The following PLAG1 variants were observed in gnomAD, a reference collection of about 807,000 sequenced individuals.
The protein encoded by PLAG1 is PLAG1 zinc finger.
PLAG1 carries 7 observed loss-of-function variants against 35.5 expected under a neutral mutation model. The observed-to-expected ratio is 0.20, with a 90% confidence interval of 0.11 to 0.37. The LOEUF (loss-of-function observed/expected upper bound fraction) is 0.37, where lower values mean the gene tolerates loss of function less well. Ranked by LOEUF, PLAG1 falls within the 10% of genes least tolerant of loss-of-function variation. The pLI is 1.00. For missense variants in PLAG1, 454 were observed against 602.8 expected, an observed-to-expected ratio of 0.75 and a Z score of 2.58; for synonymous variants, 229 against 225.4, an observed-to-expected ratio of 1.02 and a Z score of -0.14.
At chr8:56,173,590 A>T (rs1261275511) in intron 2 of PLAG1, among the ~76,000 whole-genome samples, 1 of 81,458 alleles carries the variant, frequency 1.2e-5, no homozygotes, top group Non-Finnish European at 2.4e-5. Context: ...TTTTCTACTT[A>T]AAAAAAAAAA....
At chr8:56,201,774 A>G (rs1812559682) in intron 1 of PLAG1, among the ~76,000 whole-genome samples, 2 of 152,214 alleles carry the variant, frequency 1.3e-5, no homozygotes, top group African/African-American at 2.4e-5. Flanking sequence ...TGAAAACTAA[A>G]TGAGATAATA....
Position 56,162,873 on chromosome 8 carries a change from G to C in PLAG1, c.*3370C>G. ...AATGACTAAGAAAAATAAAGCACAA[G>C]CAACAAATAGGCAAAAATACACAGC... On this transcript the variant is annotated 3_prime_UTR_variant, in exon 5 of 5. Transcript: ENST00000316981. The C allele has an allele frequency of 4.6e-6, 1 of 216,234 alleles. No individual in the cohort carries two copies. Among genetic ancestry groups the C allele is most frequent in the East Asian group, 6.8e-5 (1 of 14,608 alleles). The allele number at this position is 216,234 out of a possible 1,614,324, so 13.4% of individuals were successfully genotyped here. A position where few individuals can be genotyped will look rare whatever the true frequency, so the allele number is the denominator to read the frequency against.
intron 3 of PLAG1, among the ~76,000 whole-genome samples, 156 bp from the exon 4 acceptor site, chr8:56,168,542 G>A (rs544871950): frequency 1.5e-4 from 23 of 152,250 alleles, no homozygotes; most frequent in African/African-American, 5.1e-4. Flanking sequence ...AACCCCATAG[G>A]TTTCTTTATA....
intron 2 of PLAG1, among the ~76,000 whole-genome samples, chr8:56,175,348 C>T (rs768460794): frequency 3.3e-5 from 5 of 152,118 alleles, no homozygotes; most frequent in African/African-American, 4.8e-5. Flanking sequence ...GCAGGAAGGA[C>T]GAGACTCTCA....
chr8:56,204,881 G>A (rs1812655423), intron 1 of PLAG1, among the ~76,000 whole-genome samples: 1 of 151,800 alleles, frequency 6.6e-6, no homozygotes, highest in Non-Finnish European at 1.5e-5. Flanking sequence ...TGCCTTTTAA[G>A]AAAAGATGCC....
Position 56,167,549 on chromosome 8 carries a change from G to A in PLAG1, c.243-46C>T. On this transcript the variant is annotated intron_variant, in intron 4 of 4. Coordinates refer to ENST00000316981, the MANE Select transcript of PLAG1 (RefSeq NM_002655.3). This position sits in a 1 kb window ranked among gnomAD's most constrained non-coding sequence, Gnocchi z 5.9. ...TATAAGTAGTTATTATGACAAAAAT[G>A]GCATGTATTCACTTTTCAAATGGAA... 2 of 1,260,268 alleles carry A rather than the reference G, an allele frequency of 1.6e-6. No individual in the cohort carries two copies. Among genetic ancestry groups the A allele is most frequent in the Non-Finnish European group, 2.2e-6 (2 of 899,560 alleles). 78.1% of individuals were successfully genotyped at this position (1,260,268 alleles called of 1,614,324 possible). A position where few individuals can be genotyped will look rare whatever the true frequency, so the allele number is the denominator to read the frequency against.
At chr8:56,180,440 C>G (rs1005221875) in intron 1 of PLAG1, among the ~76,000 whole-genome samples, 1 of 152,174 alleles carries the variant, frequency 6.6e-6, no homozygotes, top group African/African-American at 2.4e-5. Flanking sequence ...AGAATATATA[C>G]CTTTTGTCGT....
At chr8:56,196,783 A>G (rs150817571) in intron 1 of PLAG1, among the ~76,000 whole-genome samples, 152 of 151,924 alleles carry the variant, frequency 1.0e-3, no homozygotes, top group African/African-American at 3.6e-3. Flanking sequence ...GCCGTGCATA[A>G]TACATGTGTG....
chr8:56,178,123 T>C (rs1811762807), intron 2 of PLAG1: 7 of 364,348 alleles, frequency 1.9e-5, no homozygotes, highest in Non-Finnish European at 2.7e-5. Flanking sequence ...AGTGAAGTTC[T>C]ATGGGAAGGA....
intron 2 of PLAG1, chr8:56,178,058 C>T: frequency 1.1e-6 from 1 of 946,176 alleles, no homozygotes; most frequent in Non-Finnish European, 1.3e-6. Flanking sequence ...TGTTCCATAG[C>T]TCCTTAAGCA....
At position 56,174,890 on chromosome 8, in the gene PLAG1, T is replaced by C. The variant is rs1344102064; in HGVS notation, c.-216-3701A>G. Among the ~76,000 whole-genome samples, 3 of 152,228 alleles carry C rather than the reference T, an allele frequency of 2.0e-5. No individual in the cohort carries two copies. In the East Asian group the frequency reaches 5.8e-4, roughly 29 times the overall value. On this transcript the variant is annotated intron_variant, in intron 2 of 4. Coordinates refer to ENST00000316981, the MANE Select transcript of PLAG1 (RefSeq NM_002655.3). ...AGTATTATAAGTAATTTAGAGATGA[T>C]GTGAAGAGTTCATGGCAGGATGTGC...
In PLAG1 at chr8:56,167,880, CT is replaced by C. The variant is rs1472566028; in HGVS notation, c.242+147del. Reference sequence around the variant, plus strand: ...ACATAAAAGTATGTGATTTAGAATACTAAAAACTAAACCAATGTCTAATCTA... The same window carrying C: ...ACATAAAAGTATGTGATTTAGAATACAAAAACTAAACCAATGTCTAATCTA... On this transcript the variant is annotated intron_variant, in intron 4 of 4. Transcript: ENST00000316981. The surrounding 1 kb of genome is among the most constrained non-coding windows in gnomAD (Gnocchi z 5.9). 7.2e-6 allele frequency: 4 copies of C among 551,988 alleles called. No homozygotes were observed. Among genetic ancestry groups the C allele is most frequent in the Non-Finnish European group, 1.3e-5 (4 of 313,634 alleles). The allele number at this position is 551,988 out of a possible 1,614,324, so 34.2% of individuals were successfully genotyped here.
At chr8:56,177,813 A>G (rs1811751003) in intron 2 of PLAG1, among the ~76,000 whole-genome samples, 1 of 152,194 alleles carries the variant, frequency 6.6e-6, no homozygotes, top group Admixed American at 6.5e-5. Flanking sequence ...CAAGCCCCAG[A>G]GAAATACATG....
At chr8:56,201,886 C>T (rs951925327) in intron 1 of PLAG1, among the ~76,000 whole-genome samples, 4 of 151,360 alleles carry the variant, frequency 2.6e-5, no homozygotes, top group African/African-American at 7.3e-5. Flanking sequence ...ATGTTGCTAA[C>T]GATTCAGGGA....
chr8:56,191,280 C>G (rs1242241552), intron 1 of PLAG1, among the ~76,000 whole-genome samples: 1 of 152,076 alleles, frequency 6.6e-6, no homozygotes, highest in African/African-American at 2.4e-5. Context: ...CCAGCGGTGG[C>G]AGCAGGGAGT....
At chr8:56,171,980 C>T (rs1004664660) in intron 2 of PLAG1, among the ~76,000 whole-genome samples, 4 of 152,006 alleles carry the variant, frequency 2.6e-5, no homozygotes, top group Admixed American at 6.6e-5. Context: ...AAAAGAATAA[C>T]GGTCAAAAGG....
intron 3 of PLAG1, among the ~76,000 whole-genome samples, chr8:56,168,626 T>C (rs1275465480): frequency 6.6e-6 from 1 of 152,156 alleles, no homozygotes; most frequent in African/African-American, 2.4e-5. Context: ...ACTTGACACA[T>C]GTTTTACTTA....
Position 56,193,086 on chromosome 8 carries a change from G to A in PLAG1, c.-321-13573C>T, listed in dbSNP as rs34426553. On this transcript the variant is annotated intron_variant, in intron 1 of 4. Transcript: ENST00000316981. ...AGTAGGCAGATTTGAAAACTCACTA[G>A]ATATTAAGGAATTATTGTTCTTTTG... Among the ~76,000 whole-genome samples the A allele has an allele frequency of 5.4e-3, 823 of 152,260 alleles. 4 individuals carry two copies. The highest frequency in any genetic ancestry group is 0.01 in the Middle Eastern group (3 of 292).
At position 56,167,355 on chromosome 8, in the gene PLAG1, T is replaced by C. The variant is rs759315075; in HGVS notation, c.391A>G (p.Asn131Asp). The C allele has an allele frequency of 5.0e-6, 8 of 1,614,078 alleles. No homozygotes were observed. The South Asian group carries it at 8.8e-5, about 18-fold the overall frequency. The stretch of plus-strand genomic sequence containing the variant: ...TGACGTTTAAATCCAAGCTTGGTAT[T>C]GTAGTTCTTGCCACATTCTTCGCAC... ...FKCEECGKNY[N>D]TKLGFKRHLA... Residue 131 changes from asparagine (N) to aspartate (D), a missense_variant, in exon 5 of 5, where the codon AAT becomes GAT. Asn to Asp is a conservative substitution (Grantham distance 23). Around this residue, in one of 4 missense-constraint regions of PLAG1, gnomAD observed 170 missense variants for 226.3 expected, o/e 0.75. Transcript: ENST00000316981. This position sits in a 1 kb window ranked among gnomAD's most constrained non-coding sequence, Gnocchi z 5.9.
Sources: gnomAD v4.1 joint callset for allele counts (sites outside exome capture counted in the v4.1 genomes callset) on GRCh38, gnomAD v4.1.1 for gene constraint, gnomAD v4.1.1 regional missense constraint, Gnocchi (gnomAD v3.1) non-coding constraint, MANE v1.5 for transcripts, NCBI Gene and HGNC (gene_info 2026-07-23, HGNC 2026-07-21) for gene names.